The following FBXL17 variants were observed in gnomAD, a reference collection of about 807,000 sequenced individuals.
The protein encoded by FBXL17 is F-box/LRR-repeat protein 17.
A neutral mutation model predicts 66.2 loss-of-function variants in FBXL17; 22 were observed. The ratio of observed to expected loss-of-function variants is 0.33; its 90% confidence interval spans 0.24 to 0.47. The LOEUF (loss-of-function observed/expected upper bound fraction) is 0.47, where lower values mean the gene tolerates loss of function less well. Among genes scored for constraint, FBXL17 ranks in the 20% least tolerant of loss-of-function variants. FBXL17 has a pLI of 1.00. For missense variants in FBXL17, 878 were observed against 948.2 expected, an observed-to-expected ratio of 0.93 and a Z score of 0.97; for synonymous variants, 474 against 400.5, an observed-to-expected ratio of 1.18 and a Z score of -2.19.
chr5:107,928,014 T>G (rs2112570341), intron 7 of FBXL17, among the ~76,000 whole-genome samples: 1 of 152,274 alleles, frequency 6.6e-6, no homozygotes, highest in South Asian at 2.1e-4. Flanking sequence ...TCTGAAAACC[T>G]GTTTAAAATA....
chr5:107,899,614 T>A (rs903000536), intron 7 of FBXL17, among the ~76,000 whole-genome samples: 3 of 152,140 alleles, frequency 2.0e-5, no homozygotes, highest in African/African-American at 7.2e-5. Flanking sequence ...TCCAGTCCTC[T>A]TAAAAGAAGA....
At chr5:108,003,122 T>C (rs1753797990) in intron 7 of FBXL17, among the ~76,000 whole-genome samples, 2 of 152,230 alleles carry the variant, frequency 1.3e-5, no homozygotes, top group Admixed American at 1.3e-4. Context: ...ATGCCACAGC[T>C]ACCTTGAGGA....
chr5:108,035,568 T>A (rs184103560), intron 6 of FBXL17, among the ~76,000 whole-genome samples: 65 of 152,224 alleles, frequency 4.3e-4, no homozygotes, highest in African/African-American at 1.5e-3. Context: ...AGTTTCTCCA[T>A]GTTGGTCAGG....
rs1554080842 is a variant in FBXL17, at chr5:107,871,069, A to AAAACAAAAAAAC, written c.1966-9210_1966-9209insGTTTTTTTGTTT. On this transcript the variant is annotated intron_variant, in intron 8 of 8. Transcript: ENST00000542267. ...TACTCTTGGGCGGCAAAAAAAAAAA[A>AAAACAAAAAAAC]AAAAAAAAAACCTCATCTAAAAATC... Among the ~76,000 whole-genome samples the AAAACAAAAAAAC allele has an allele frequency of 5.5e-4, 71 of 130,238 alleles. 7 individuals are homozygous for AAAACAAAAAAAC. The highest frequency in any genetic ancestry group is 3.9e-3 in the Middle Eastern group (1 of 258). 85.4% of individuals were successfully genotyped at this position (130,238 alleles called of 152,430 possible). A position where few individuals can be genotyped will look rare whatever the true frequency, so the allele number is the denominator to read the frequency against.
At chr5:108,157,973 G>C (rs537090385) in intron 6 of FBXL17, among the ~76,000 whole-genome samples, 32 of 152,126 alleles carry the variant, frequency 2.1e-4, no homozygotes, top group Non-Finnish European at 4.4e-4. Flanking sequence ...CACAGAAAAA[G>C]CAAGAAGTAG....
At chr5:107,880,949 T>C (rs1748769859) in intron 8 of FBXL17, 88 bp downstream of exon 8, 4 of 1,607,166 alleles carry the variant, frequency 2.5e-6, no homozygotes, top group Non-Finnish European at 2.6e-6. Flanking sequence ...TACACGGGGG[T>C]GGAGATAGAG....
At chr5:108,235,146 T>G (rs1026365575) in intron 4 of FBXL17, among the ~76,000 whole-genome samples, 3 of 152,254 alleles carry the variant, frequency 2.0e-5, no homozygotes, top group Admixed American at 6.5e-5. Flanking sequence ...GACATTTTAA[T>G]ACTGCCGGAT....
intron 6 of FBXL17, among the ~76,000 whole-genome samples, chr5:108,146,525 TC>T (rs1751568806): frequency 6.6e-6 from 1 of 152,192 alleles, no homozygotes; most frequent in African/African-American, 2.4e-5. Flanking sequence ...AGAGAAGTGA[TC>T]CTGAGAAAAT....
intron 8 of FBXL17, among the ~76,000 whole-genome samples, chr5:107,877,168 C>G (rs921582029): frequency 6.6e-6 from 1 of 152,214 alleles, no homozygotes; most frequent in African/African-American, 2.4e-5. Context: ...ATCAGAAAAG[C>G]TACTCAAACA....
At chr5:107,963,597 G>C (rs1011035126) in intron 7 of FBXL17, among the ~76,000 whole-genome samples, 1 of 152,068 alleles carries the variant, frequency 6.6e-6, no homozygotes, top group Non-Finnish European at 1.5e-5. Flanking sequence ...TTTAAAACGA[G>C]GATAGCACTA....
intron 7 of FBXL17, among the ~76,000 whole-genome samples, chr5:107,915,231 A>C (rs1750085495): frequency 6.6e-6 from 1 of 152,196 alleles, no homozygotes. Flanking sequence ...AACCATTACA[A>C]GCTGCATAAA....
chr5:108,224,948 C>T (rs1755038009), intron 4 of FBXL17, among the ~76,000 whole-genome samples: 1 of 152,000 alleles, frequency 6.6e-6, no homozygotes, highest in Non-Finnish European at 1.5e-5. Context: ...TTTTTATTGA[C>T]ATTTAATTCA....
intron 8 of FBXL17, among the ~76,000 whole-genome samples, chr5:107,865,247 C>A (rs182899009): frequency 2.1e-4 from 32 of 152,148 alleles, no homozygotes; most frequent in African/African-American, 7.5e-4. Context: ...TTTTGGAGGG[C>A]CAATTAATTT....
At chr5:108,250,135 C>A (rs1165368595) in intron 4 of FBXL17, among the ~76,000 whole-genome samples, 1 of 152,054 alleles carries the variant, frequency 6.6e-6, no homozygotes, top group Non-Finnish European at 1.5e-5. Context: ...GCAACTGCTA[C>A]CAATCAATTT....
chr5:108,115,430 A>G (rs1750210832), intron 6 of FBXL17, among the ~76,000 whole-genome samples: 1 of 152,136 alleles, frequency 6.6e-6, no homozygotes, highest in Admixed American at 6.6e-5. Flanking sequence ...TAAATTCTAG[A>G]ACGGACCTTA....
chr5:107,994,104 A>G (rs947156801), intron 7 of FBXL17, among the ~76,000 whole-genome samples: 18 of 152,278 alleles, frequency 1.2e-4, no homozygotes, highest in African/African-American at 4.1e-4. Flanking sequence ...TCATTAATTA[A>G]GAAGGCTTGG....
chr5:108,205,823 G>A (rs185797899), intron 5 of FBXL17, among the ~76,000 whole-genome samples: 118 of 152,070 alleles, frequency 7.8e-4, no homozygotes, highest in African/African-American at 2.8e-3. Flanking sequence ...TCTGCCTCCC[G>A]GTCCCGGGTT....
intron 6 of FBXL17, among the ~76,000 whole-genome samples, chr5:108,106,318 T>G (rs1017438376): frequency 2.0e-5 from 3 of 152,228 alleles, no homozygotes; most frequent in African/African-American, 7.2e-5. Flanking sequence ...CTAGCAGGAT[T>G]ATAAAATGGT....
At chr5:108,251,612 A>G (rs1309218836) in intron 4 of FBXL17, among the ~76,000 whole-genome samples, 2 of 152,076 alleles carry the variant, frequency 1.3e-5, no homozygotes, top group Non-Finnish European at 2.9e-5. Context: ...CAACAGGACA[A>G]GCAGGTTACA....
Sources: gnomAD v4.1 joint callset for allele counts (sites outside exome capture counted in the v4.1 genomes callset) on GRCh38, gnomAD v4.1.1 for gene constraint, MANE v1.5 for transcripts, NCBI Gene and HGNC (gene_info 2026-07-23, HGNC 2026-07-21) for gene names.